NBPF26: variants seen among roughly 807,000 people sequenced by gnomAD.
NBPF26 encodes NBPF family member NBPF26.
In NBPF26, 79 loss-of-function variants were observed where a neutral mutation model predicts 119.6. The ratio of observed to expected loss-of-function variants is 0.66; its 90% CI spans 0.55 to 0.80. NBPF26 has a LOEUF of 0.80. Among genes scored for constraint, NBPF26 ranks in the 30% least tolerant of loss-of-function variants. NBPF26 has a pLI of 0.00. For missense variants in NBPF26, 800 were observed against 1,198.2 expected (o/e 0.67, Z 4.91); for synonymous variants, 299 against 457.7 (o/e 0.65, Z 4.43).
rs1177574510 is a variant in NBPF26 at position 120,756,088 on chromosome 1, C to T, written c.74-7540C>T. Among the ~76,000 whole-genome samples, 4 of 113,824 alleles carry T rather than the reference C, an allele frequency of 3.5e-5. 1 individual carries two copies. The highest frequency in any genetic ancestry group is 1.7e-4 in the Admixed American group (2 of 11,774). The allele number at this position is 113,824 out of a possible 152,430, so 74.7% of individuals were successfully genotyped here. On this transcript the variant is annotated intron_variant, in intron 1 of 29. Coordinates refer to ENST00000620612, the Ensembl canonical transcript of NBPF26. ...TTGGATTTTTTTTTCATGGCTTGAT[C>T]CCAAAAAATGGAACACAAAATTTAG...
chr1:120,840,730 C>T (rs1652502355), downstream of NBPF26: 5 of 1,189,212 alleles, frequency 4.2e-6, no homozygotes, highest in Admixed American at 5.1e-5. Flanking sequence ...TTCCTATTCT[C>T]AAACCATGCC....
chr1:120,762,641 C>T (rs1571024045), intron 1 of NBPF26, among the ~76,000 whole-genome samples: 1 of 41,332 alleles, frequency 2.4e-5, no homozygotes, highest in Non-Finnish European at 4.0e-5. Flanking sequence ...TATTGTTTGA[C>T]TAGGTTTCTT....
intron 17 of NBPF26, among the ~76,000 whole-genome samples, chr1:120,823,599 G>T (rs1184613770): frequency 1.6e-5 from 2 of 123,496 alleles, no homozygotes; most frequent in Non-Finnish European, 3.3e-5. Context: ...TATTCTCATG[G>T]TAACTGCAGG....
At chr1:120,793,731 A>G (rs1651522070) in intron 4 of NBPF26, 2 of 699,538 alleles carry the variant, frequency 2.9e-6, no homozygotes, top group Non-Finnish European at 4.9e-6. Context: ...AAAATTGTTT[A>G]TTGTCCCTTT....
chr1:120,790,207 G>A (rs1651469066), intron 3 of NBPF26, among the ~76,000 whole-genome samples: 1 of 103,492 alleles, frequency 9.7e-6, no homozygotes, highest in Non-Finnish European at 1.8e-5. Context: ...GTAGAGATGG[G>A]CTTTCACCTT....
chr1:120,818,971 G>A (rs1202015564), intron 15 of NBPF26, among the ~76,000 whole-genome samples: 1 of 104,692 alleles, frequency 9.6e-6, no homozygotes, highest in East Asian at 2.2e-4. Flanking sequence ...TTGGTGTGGA[G>A]AGTTCTGTAG....
rs1651161164 is a variant in NBPF26 at position 120,763,983 on chromosome 1, T to C, written c.155+274T>C. Reference sequence around the variant, plus strand: ...TATGGGGTAGACCAGGCATGGTGGCTCATGCTGGTAATCCCAGCACTTCAG... The same window carrying C: ...TATGGGGTAGACCAGGCATGGTGGCCCATGCTGGTAATCCCAGCACTTCAG... On this transcript the variant is annotated intron_variant, in intron 2 of 29. Transcript: ENST00000620612. Among the ~76,000 whole-genome samples, 3 of 114,206 alleles carry C rather than the reference T, an allele frequency of 2.6e-5. 1 individual carries two copies. 74.9% of individuals were successfully genotyped at this position (114,206 alleles called of 152,430 possible). A position where few individuals can be genotyped will look rare whatever the true frequency, so the allele number is the denominator to read the frequency against.
At position 120,733,231 on chromosome 1, in the gene NBPF26, T is replaced by C. The variant is rs1379745470; in HGVS notation, c.73+8981T>C. On this transcript the variant is annotated intron_variant, in intron 1 of 29. Coordinates refer to ENST00000620612, the Ensembl canonical transcript of NBPF26. ...TTTATTTTTAAAAATCTTTACCATTTGATAAGTGGTAAATATTACTTAATC... is the reference window on the plus strand; with the variant it reads ...TTTATTTTTAAAAATCTTTACCATTCGATAAGTGGTAAATATTACTTAATC... 2.0e-5 allele frequency among the ~76,000 whole-genome samples: 2 copies of C among 98,230 alleles called. 1 individual carries two copies. The highest frequency in any genetic ancestry group is 1.3e-4 in the African/African-American group (2 of 14,822). 64.4% of individuals were successfully genotyped at this position (98,230 alleles called of 152,430 possible).
At chr1:120,832,655 A>G (rs1373283828) in intron 22 of NBPF26, among the ~76,000 whole-genome samples, 1 of 121,312 alleles carries the variant, frequency 8.2e-6, no homozygotes, top group Non-Finnish European at 1.6e-5. Flanking sequence ...TATTGGGATA[A>G]CGATCTACTA....
intron 1 of NBPF26, among the ~76,000 whole-genome samples, chr1:120,748,138 T>A (rs1244913090): frequency 2.0e-5 from 1 of 51,076 alleles, no homozygotes; most frequent in South Asian, 4.8e-4. Context: ...TTTTTTTTTT[T>A]AAAGTCTTTC....
rs1651114635 is a variant in NBPF26, at chr1:120,759,827, T to C, written c.74-3801T>C. Among the ~76,000 whole-genome samples, 2 of 115,550 alleles carry C rather than the reference T, an allele frequency of 1.7e-5. 1 individual carries two copies. Among genetic ancestry groups the C allele is most frequent in the Non-Finnish European group, 3.3e-5 (2 of 60,948 alleles). The allele number at this position is 115,550 out of a possible 152,430, so 75.8% of individuals were successfully genotyped here. ...TCCTTCATCTCAAATATTTAACATT[T>C]TTTGAAATTTACTCTCTTAGCAATT... is the stretch of plus-strand genomic sequence containing the variant. On this transcript the variant is annotated intron_variant, in intron 1 of 29. Coordinates refer to ENST00000620612, the Ensembl canonical transcript of NBPF26.
chr1:120,763,922 T>C (rs1651160471), intron 2 of NBPF26, among the ~76,000 whole-genome samples: 1 of 106,704 alleles, frequency 9.4e-6, no homozygotes, highest in East Asian at 2.2e-4. Context: ...TTTCTCACTA[T>C]GAAAAAGACT....
At chr1:120,809,942 G>A in intron 8 of NBPF26, 59 bp downstream of exon 8, 6 of 1,532,784 alleles carry the variant, frequency 3.9e-6, no homozygotes, top group Non-Finnish European at 4.4e-6. Flanking sequence ...TGTCTAGGAG[G>A]CACACCCTCT....
Position 120,840,220 on chromosome 1 carries a change from T to G in NBPF26, c.4104-130T>G. ...CCCAACATAAAGGCAATAAATTTTT[T>G]TTTTACCTCATTAATGGATCTATCC... is the stretch of plus-strand genomic sequence containing the variant. On this transcript the variant is annotated intron_variant, in intron 29 of 29. Transcript: ENST00000620612. The G allele has an allele frequency of 3.7e-6, 5 of 1,335,230 alleles. No homozygotes were observed. In the South Asian group the frequency reaches 4.1e-5, roughly 11 times the overall value. The allele number at this position is 1,335,230 out of a possible 1,614,324, so 82.7% of individuals were successfully genotyped here. A position where few individuals can be genotyped will look rare whatever the true frequency, so the allele number is the denominator to read the frequency against.
chr1:120,770,352 G>T (rs1425476534), intron 2 of NBPF26, among the ~76,000 whole-genome samples: 1 of 109,958 alleles, frequency 9.1e-6, no homozygotes, highest in Non-Finnish European at 1.7e-5. Context: ...TGTATTTTTA[G>T]TAGAGACGGG....
chr1:120,806,531 T>A lies in NBPF26; in HGVS notation c.961+766T>A, dbSNP rs1342694331. On this transcript the variant is annotated intron_variant, in intron 5 of 29. Transcript: ENST00000620612. ...TCCTTTGAACCCAGCAGGCAGATGTTGCAGTGAGCCAAGATTGCACTATTG... is the reference window on the plus strand; with the variant it reads ...TCCTTTGAACCCAGCAGGCAGATGTAGCAGTGAGCCAAGATTGCACTATTG... Among the ~76,000 whole-genome samples, 2 of 124,238 alleles carry A rather than the reference T, an allele frequency of 1.6e-5. 1 individual carries two copies. Among genetic ancestry groups the A allele is most frequent in the Non-Finnish European group, 3.3e-5 (2 of 61,030 alleles). 81.5% of individuals were successfully genotyped at this position (124,238 alleles called of 152,430 possible). A position where few individuals can be genotyped will look rare whatever the true frequency, so the allele number is the denominator to read the frequency against.
intron 15 of NBPF26, among the ~76,000 whole-genome samples, chr1:120,818,462 GT>G (rs1449117994): frequency 1.6e-5 from 2 of 122,210 alleles, no homozygotes; most frequent in Non-Finnish European, 3.3e-5. Context: ...TTTTTGAAGG[GT>G]TTTTTGTGTC....
intron 9 of NBPF26, among the ~76,000 whole-genome samples, chr1:120,810,817 G>T (rs1651842957): frequency 9.1e-6 from 1 of 110,286 alleles, no homozygotes; most frequent in Non-Finnish European, 1.7e-5. Context: ...AGGCAGGCAT[G>T]GTGCTGCATG....
At chr1:120,754,761 C>G (rs1179515773) in intron 1 of NBPF26, among the ~76,000 whole-genome samples, 1 of 116,116 alleles carries the variant, frequency 8.6e-6, no homozygotes, top group Admixed American at 8.2e-5. Context: ...TATCTTCCTT[C>G]AAACAAATGG....
Sources: allele counts gnomAD v4.1 joint callset (sites outside exome capture counted in the v4.1 genomes callset), GRCh38; gene constraint gnomAD v4.1.1; transcripts MANE v1.5; gene names NCBI Gene and HGNC (gene_info 2026-07-23, HGNC 2026-07-21).